The following CRISP1 variants were observed in gnomAD, a reference collection of about 807,000 sequenced individuals.
CRISP1 encodes the protein cysteine rich secretory protein 1.
Under a neutral mutation model 33.1 loss-of-function variants are expected in CRISP1, and 44 were observed. That is an observed-to-expected ratio of 1.33 (90% CI 1.05 to 1.71). The LOEUF is 1.71. Among genes scored for constraint, CRISP1 ranks in the 40% most tolerant of loss-of-function variants. The pLI is 0.00. For missense variants in CRISP1, 390 were observed against 301.2 expected (o/e 1.29, Z -2.18); for synonymous variants, 103 against 98.7 (o/e 1.04, Z -0.26).
upstream of CRISP1, among the ~76,000 whole-genome samples, chr6:49,868,429 T>C (rs909865921): frequency 2.0e-5 from 3 of 152,170 alleles, no homozygotes; most frequent in African/African-American, 4.8e-5. Flanking sequence ...TCTTGAGAGA[T>C]AGATAAAGGC....
chr6:49,837,185 A>G (rs774606365), intron 7 of CRISP1, among the ~76,000 whole-genome samples: 32 of 152,136 alleles, frequency 2.1e-4, no homozygotes, highest in Non-Finnish European at 3.8e-4. Flanking sequence ...GTTTGTGCCC[A>G]ATATGTTCAA....
chr6:49,870,185 C>A (rs774598568), upstream of CRISP1, among the ~76,000 whole-genome samples: 16 of 152,144 alleles, frequency 1.1e-4, no homozygotes, highest in Non-Finnish European at 2.1e-4. Flanking sequence ...CCAAGTCTGG[C>A]AATCACATGG....
intron 6 of CRISP1, among the ~76,000 whole-genome samples, chr6:49,840,652 A>T (rs1770955606): frequency 6.6e-6 from 1 of 152,158 alleles, no homozygotes; most frequent in African/African-American, 2.4e-5. Flanking sequence ...AATAAGAGAA[A>T]ATACAGTCAA....
chr6:49,838,373 A>T, intron 7 of CRISP1, 64 bp downstream of exon 7: 1 of 1,148,452 alleles, frequency 8.7e-7, no homozygotes, highest in Non-Finnish European at 1.3e-6. Flanking sequence ...TGCTTAATTT[A>T]AAGGATGTAT....
chr6:49,849,599 T>C (rs1460102376), intron 3 of CRISP1, among the ~76,000 whole-genome samples: 2 of 152,182 alleles, frequency 1.3e-5, no homozygotes, highest in African/African-American at 4.8e-5. Context: ...TACCCTTATA[T>C]GTGCATATAA....
At chr6:49,875,904 G>T (rs1305416932) in intron 1 of CRISP1, among the ~76,000 whole-genome samples, 1 of 152,008 alleles carries the variant, frequency 6.6e-6, no homozygotes, top group East Asian at 1.9e-4. Context: ...ACTCAAGATG[G>T]ATTAAAGACT....
intron 1 of CRISP1, among the ~76,000 whole-genome samples, chr6:49,858,043 T>A (rs1380811452): frequency 1.3e-5 from 2 of 152,160 alleles, no homozygotes; most frequent in African/African-American, 4.8e-5. Flanking sequence ...TTATGATAAC[T>A]TGTTATAGTA....
intron 1 of CRISP1, among the ~76,000 whole-genome samples, chr6:49,857,809 G>C (rs993603533): frequency 2.0e-5 from 3 of 152,118 alleles, no homozygotes; most frequent in African/African-American, 7.2e-5. Context: ...TCAGTGATGA[G>C]CATGAGACAG....
chr6:49,838,786 C>G (rs1417148801), intron 6 of CRISP1, among the ~76,000 whole-genome samples: 1 of 152,104 alleles, frequency 6.6e-6, no homozygotes, highest in Non-Finnish European at 1.5e-5. Context: ...CCTAACAGTA[C>G]TTGGGAACTT....
chr6:49,848,330 T>C (rs1458688017), intron 3 of CRISP1, 31 bp from the exon 4 acceptor site: 1 of 1,284,114 alleles, frequency 7.8e-7, no homozygotes, highest in South Asian at 1.3e-5. Flanking sequence ...AAGCACATGT[T>C]CCAATTAATA....
intron 5 of CRISP1, among the ~76,000 whole-genome samples, chr6:49,842,691 TC>T (rs1167805524): frequency 6.6e-6 from 1 of 152,080 alleles, no homozygotes; most frequent in Non-Finnish European, 1.5e-5. Flanking sequence ...TACTTGCCCT[TC>T]CCTGCGCTCA....
At chr6:49,862,769 T>C (rs1771686444) in intron 1 of CRISP1, among the ~76,000 whole-genome samples, 1 of 148,250 alleles carries the variant, frequency 6.7e-6, no homozygotes, top group African/African-American at 2.5e-5. Flanking sequence ...AATGAATAGG[T>C]AAAATGCGTA....
intron 6 of CRISP1, among the ~76,000 whole-genome samples, chr6:49,839,402 G>A (rs1359848864): frequency 6.6e-6 from 1 of 151,452 alleles, no homozygotes; most frequent in African/African-American, 2.4e-5. Context: ...AGGGAGCTAT[G>A]TTGACACCTC....
At position 49,871,643 on chromosome 6, in the gene CRISP1, C is replaced by T. The variant is rs553474191; in HGVS notation, c.-3+5366G>A. Among the ~76,000 whole-genome samples, 271 of 145,802 alleles carry T rather than the reference C, an allele frequency of 1.9e-3. 2 individuals are homozygous for T. Among genetic ancestry groups the T allele is most frequent in the African/African-American group, 6.4e-3 (254 of 39,430 alleles). On this transcript the variant is annotated intron_variant, in intron 1 of 7. Coordinates refer to the CRISP1 transcript ENST00000505118. ...CAATTCCCACCTATGAGTGAGAACA[C>T]GTGGTGTTTGGTTTTTTGTCCTTGT...
At chr6:49,842,895 T>C (rs1339098977) in intron 5 of CRISP1, among the ~76,000 whole-genome samples, 1 of 152,206 alleles carries the variant, frequency 6.6e-6, no homozygotes, top group Non-Finnish European at 1.5e-5. Flanking sequence ...TTCTACTGTG[T>C]TAAATTTTAA....
chr6:49,858,714 C>T (rs1172539159), intron 1 of CRISP1, among the ~76,000 whole-genome samples: 3 of 152,070 alleles, frequency 2.0e-5, no homozygotes, highest in African/African-American at 7.2e-5. Flanking sequence ...ATGAAATGTC[C>T]CTTTCTCTTT....
upstream of CRISP1, among the ~76,000 whole-genome samples, chr6:49,868,150 C>T (rs922650717): frequency 6.6e-6 from 1 of 152,020 alleles, no homozygotes; most frequent in South Asian, 2.1e-4. Context: ...AGTTGCTATC[C>T]AGCTTCATAT....
chr6:49,867,050 G>C (rs1039335378), upstream of CRISP1, among the ~76,000 whole-genome samples: 3 of 152,104 alleles, frequency 2.0e-5, no homozygotes, highest in Non-Finnish European at 4.4e-5. Flanking sequence ...GAAAACTTCT[G>C]CAATTTGGGA....
At chr6:49,873,949 C>G (rs907755399) in intron 1 of CRISP1, among the ~76,000 whole-genome samples, 3 of 151,956 alleles carry the variant, frequency 2.0e-5, no homozygotes, top group African/African-American at 7.2e-5. Flanking sequence ...CTGAAAATTC[C>G]TAATTAGTTG....
Sources: gnomAD v4.1 joint callset for allele counts (sites outside exome capture counted in the v4.1 genomes callset) on GRCh38, gnomAD v4.1.1 for gene constraint, MANE v1.5 for transcripts, NCBI Gene and HGNC (gene_info 2026-07-23, HGNC 2026-07-21) for gene names.